Variants in PTPRM observed in about 807,000 individuals in gnomAD.
PTPRM encodes receptor-type tyrosine-protein phosphatase mu.
In PTPRM, 47 loss-of-function variants were observed where a neutral mutation model predicts 186.7. The ratio of observed to expected loss-of-function variants is 0.25; its 90% confidence interval spans 0.20 to 0.32. PTPRM has a LOEUF of 0.32. PTPRM is among the 10% of genes least tolerant of loss of function. PTPRM has a pLI of 1.00. For missense variants in PTPRM, 1,494 were observed against 1,865.0 expected (o/e 0.80, Z 3.66); for synonymous variants, 668 against 674.9 (o/e 0.99, Z 0.16).
chr18:7,791,071 T>G (rs1166646966), intron 2 of PTPRM, among the ~76,000 whole-genome samples: 1 of 152,222 alleles, frequency 6.6e-6, no homozygotes, highest in Non-Finnish European at 1.5e-5. Flanking sequence ...CTTACAAATG[T>G]GTTCTTTTCC....
intron 3 of PTPRM, among the ~76,000 whole-genome samples, chr18:7,901,021 G>T (rs550987054): frequency 2.6e-4 from 39 of 152,008 alleles, no homozygotes; most frequent in Admixed American, 1.4e-3. Context: ...TTTTCCAATG[G>T]TACTGTTGGT....
At chr18:8,026,879 T>C (rs1251081401) in intron 7 of PTPRM, among the ~76,000 whole-genome samples, 3 of 152,034 alleles carry the variant, frequency 2.0e-5, no homozygotes, top group Non-Finnish European at 2.9e-5. Flanking sequence ...ATGCTTAAAA[T>C]AGAACAAAGC....
intron 14 of PTPRM, among the ~76,000 whole-genome samples, chr18:8,146,088 G>A (rs1283073446): frequency 6.7e-6 from 1 of 148,564 alleles, no homozygotes; most frequent in Non-Finnish European, 1.5e-5. Context: ...GCATGCAATG[G>A]CATGATCCCA....
intron 29 of PTPRM, among the ~76,000 whole-genome samples, chr18:8,381,913 C>T (rs2095739250): frequency 6.6e-6 from 1 of 152,174 alleles, no homozygotes; most frequent in Admixed American, 6.5e-5. Flanking sequence ...AACAAGACAT[C>T]AGTGATTCTA....
chr18:7,936,807 C>G (rs1415658790), intron 5 of PTPRM, among the ~76,000 whole-genome samples: 1 of 152,192 alleles, frequency 6.6e-6, no homozygotes, highest in African/African-American at 2.4e-5. Context: ...ACTTCCTCCC[C>G]TCTGAAGCCC....
At chr18:8,186,867 C>T (rs529362568) in intron 14 of PTPRM, among the ~76,000 whole-genome samples, 4 of 151,932 alleles carry the variant, frequency 2.6e-5, no homozygotes, top group Admixed American at 6.6e-5. Flanking sequence ...AGAGGAGTGA[C>T]GTGCATGGTT....
chr18:7,797,868 G>C (rs1014619965), intron 2 of PTPRM, among the ~76,000 whole-genome samples: 5 of 152,226 alleles, frequency 3.3e-5, no homozygotes, highest in Non-Finnish European at 5.9e-5. Flanking sequence ...GCTGCTGCCA[G>C]CACTGGTGGA....
At chr18:8,120,012 G>C (rs527578756) in intron 13 of PTPRM, among the ~76,000 whole-genome samples, 52 of 152,080 alleles carry the variant, frequency 3.4e-4, no homozygotes, top group African/African-American at 1.2e-3. Context: ...TTAAGTTAGA[G>C]GTCAGCAAAC....
intron 20 of PTPRM, among the ~76,000 whole-genome samples, chr18:8,304,238 T>G (rs79219613): frequency 0.012 from 1,840 of 152,270 alleles, 29 homozygotes; most frequent in African/African-American, 0.041. Context: ...TTGAAGTTAC[T>G]TAGAGATATT....
chr18:7,980,971 G>A (rs538866182), intron 7 of PTPRM, among the ~76,000 whole-genome samples: 5 of 152,242 alleles, frequency 3.3e-5, no homozygotes, highest in East Asian at 1.9e-4. Flanking sequence ...AGTGGTTGGC[G>A]CACATTCCCC....
At chr18:7,606,489 A>T (rs530409523) in intron 1 of PTPRM, among the ~76,000 whole-genome samples, 2 of 152,264 alleles carry the variant, frequency 1.3e-5, no homozygotes, top group South Asian at 2.1e-4. Context: ...AAGTTAGCAG[A>T]GAAGGTAGAA....
At chr18:8,109,589 C>G (rs564452636) in intron 11 of PTPRM, among the ~76,000 whole-genome samples, 3 of 152,168 alleles carry the variant, frequency 2.0e-5, no homozygotes, top group Non-Finnish European at 4.4e-5. Context: ...TTCACCTAAT[C>G]CTCATTAAAC....
At chr18:8,379,045 G>A (rs922217635) in intron 27 of PTPRM, 122 bp from the exon 28 acceptor site, 65 of 726,206 alleles carry the variant, frequency 9.0e-5, no homozygotes, top group East Asian at 7.4e-4. Flanking sequence ...GGGTTGGGGA[G>A]GGAGGGGGAA....
At chr18:7,676,078 A>C (rs80219282) in intron 1 of PTPRM, among the ~76,000 whole-genome samples, 282 of 152,158 alleles carry the variant, frequency 1.9e-3, no homozygotes, top group African/African-American at 6.1e-3. Context: ...TGTATGGGTG[A>C]TACTGTGCTA....
At chr18:7,662,100 T>A (rs2038993545) in intron 1 of PTPRM, among the ~76,000 whole-genome samples, 1 of 144,284 alleles carries the variant, frequency 6.9e-6, no homozygotes, top group Admixed American at 6.7e-5. Context: ...CTGGCTAAAT[T>A]TTTTTTTGTA....
chr18:7,771,992 T>C (rs949496676), intron 1 of PTPRM, among the ~76,000 whole-genome samples: 15 of 152,196 alleles, frequency 9.9e-5, no homozygotes, highest in Admixed American at 2.6e-4. Context: ...AAAAGCCGTA[T>C]GGGATTTCAG....
intron 2 of PTPRM, among the ~76,000 whole-genome samples, chr18:7,805,102 C>T (rs564006643): frequency 2.0e-5 from 3 of 152,288 alleles, no homozygotes; most frequent in African/African-American, 7.2e-5. Flanking sequence ...CGTCTTTATC[C>T]TCTTCTTCTC....
intron 21 of PTPRM, among the ~76,000 whole-genome samples, chr18:8,318,569 A>C (rs1255035881): frequency 1.3e-5 from 2 of 152,152 alleles, no homozygotes; most frequent in African/African-American, 4.8e-5. Flanking sequence ...AAGTGCTGGG[A>C]TCACAGGCAT....
At chr18:8,197,276 T>C (rs1240624256) in intron 14 of PTPRM, among the ~76,000 whole-genome samples, 1 of 152,230 alleles carries the variant, frequency 6.6e-6, no homozygotes, top group Non-Finnish European at 1.5e-5. Flanking sequence ...CTCAGTGTTT[T>C]TTCACGGAAG....
Sources: gnomAD v4.1 joint callset for allele counts (sites outside exome capture counted in the v4.1 genomes callset) on GRCh38, gnomAD v4.1.1 for gene constraint, MANE v1.5 for transcripts, NCBI Gene and HGNC (gene_info 2026-07-23, HGNC 2026-07-21) for gene names.